CAPN9: variants seen among roughly 807,000 people sequenced by gnomAD.
The protein encoded by CAPN9 is calpain 9, also known as calpain-9.
CAPN9 carries 81 observed loss-of-function variants against 92.8 expected under a neutral mutation model. The ratio of observed to expected loss-of-function variants is 0.87; its 90% CI spans 0.73 to 1.05. The LOEUF (loss-of-function observed/expected upper bound fraction) is 1.05. CAPN9 is among the 50% of genes least tolerant of loss of function. CAPN9 has a pLI of 0.00. For missense variants in CAPN9, 848 were observed against 866.2 expected, an observed-to-expected ratio of 0.98 and a Z score of 0.26; for synonymous variants, 304 against 328.0, an observed-to-expected ratio of 0.93 and a Z score of 0.79.
At chr1:230,759,413 G>A (rs1165738527) in intron 2 of CAPN9, 99 bp from the exon 3 acceptor site, 2 of 779,766 alleles carry the variant, frequency 2.6e-6, no homozygotes, top group East Asian at 2.6e-5. Context: ...AAAAGATGTG[G>A]CCACATCTGA....
intron 2 of CAPN9, among the ~76,000 whole-genome samples, chr1:230,758,771 G>C (rs528673376): frequency 6.6e-6 from 1 of 152,144 alleles, no homozygotes; most frequent in Non-Finnish European, 1.5e-5. Context: ...AAGGTGATTC[G>C]GATAAATGGA....
intron 4 of CAPN9, among the ~76,000 whole-genome samples, chr1:230,765,279 GGC>G (rs1207275869): frequency 1.4e-5 from 2 of 142,772 alleles, no homozygotes; most frequent in African/African-American, 5.4e-5. Context: ...ATGCCAAAAG[GGC>G]ACAAGAGCAT....
At chr1:230,752,762 C>G (rs1392085066) in intron 1 of CAPN9, 5 of 925,504 alleles carry the variant, frequency 5.4e-6, no homozygotes, top group Non-Finnish European at 6.4e-6. Flanking sequence ...CCAGGGCTAT[C>G]CCCTGGCAGG....
chr1:230,751,541 GAAA>G (rs72171772), intron 1 of CAPN9, among the ~76,000 whole-genome samples: 1 of 135,908 alleles, frequency 7.4e-6, no homozygotes, highest in Non-Finnish European at 1.6e-5. Context: ...AAGAAAGATA[GAAA>G]AAAAGAAAGG....
Position 230,795,338 on chromosome 1 carries a change from T to A in CAPN9, c.1987+59T>A, listed in dbSNP as rs1668281399. ...GGGTGGCATCTTCAGTCACCCTCCA[T>A]GAGCGCATGAGAAACAGCCTGGTTA... On this transcript the variant is annotated intron_variant, in intron 18 of 19. Coordinates refer to ENST00000271971, the MANE Select transcript of CAPN9 (RefSeq NM_006615.3). 8 of 973,642 alleles carry A rather than the reference T, an allele frequency of 8.2e-6. No individual in the cohort carries two copies. In the South Asian group the frequency reaches 1.1e-4, roughly 13 times the overall value. 60.3% of individuals were successfully genotyped at this position (973,642 alleles called of 1,614,324 possible).
intron 9 of CAPN9, 58 bp from the exon 10 acceptor site, chr1:230,780,121 T>G (rs1667108130): frequency 1.0e-6 from 1 of 965,504 alleles, no homozygotes; most frequent in Non-Finnish European, 1.6e-6. Context: ...TGTGTGTGTG[T>G]GGTCTTTGTG....
At chr1:230,782,795 T>A (rs943504842) in intron 11 of CAPN9, among the ~76,000 whole-genome samples, 1 of 152,114 alleles carries the variant, frequency 6.6e-6, no homozygotes, top group Non-Finnish European at 1.5e-5. Flanking sequence ...GGCAGGAGGA[T>A]CACCTGAAGT....
At chr1:230,765,515 C>T (rs1665931312) in intron 4 of CAPN9, among the ~76,000 whole-genome samples, 1 of 151,952 alleles carries the variant, frequency 6.6e-6, no homozygotes, top group Admixed American at 6.6e-5. Flanking sequence ...ACAAATTAGC[C>T]AGGCATGGTG....
At chr1:230,769,085 A>G in intron 5 of CAPN9, 95 bp from the exon 6 acceptor site, 1 of 938,024 alleles carries the variant, frequency 1.1e-6, no homozygotes, top group Non-Finnish European at 1.7e-6. Context: ...AAGGGGCTGG[A>G]GGTTGTGACC....
intron 11 of CAPN9, among the ~76,000 whole-genome samples, chr1:230,784,647 G>A (rs1667453531): frequency 6.6e-6 from 1 of 152,262 alleles, no homozygotes; most frequent in South Asian, 2.1e-4. Context: ...ACTGAATGAG[G>A]CTTGGCAGCC....
chr1:230,791,760 C>A, intron 14 of CAPN9, 104 bp from the exon 15 acceptor site: 2 of 798,768 alleles, frequency 2.5e-6, no homozygotes, highest in Non-Finnish European at 2.2e-6. Flanking sequence ...ACATCACAGC[C>A]CCCAACAGCC....
intron 3 of CAPN9, among the ~76,000 whole-genome samples, chr1:230,761,097 T>C (rs1210660040): frequency 6.6e-6 from 1 of 151,744 alleles, no homozygotes; most frequent in East Asian, 1.9e-4. Context: ...AACTCAGGAG[T>C]TCTGGATCCA....
intron 1 of CAPN9, 147 bp downstream of exon 1, chr1:230,747,856 C>T (rs947531607): frequency 7.1e-5 from 53 of 748,194 alleles, no homozygotes; most frequent in Non-Finnish European, 1.1e-4. Flanking sequence ...GAAAGCTTTG[C>T]AGTTTGGAGG....
chr1:230,785,195 T>C (rs1163833654), intron 11 of CAPN9, among the ~76,000 whole-genome samples: 1 of 152,240 alleles, frequency 6.6e-6, no homozygotes, highest in African/African-American at 2.4e-5. Context: ...TTGATTTTGA[T>C]TTGACAGGCT....
chr1:230,753,061 C>CT (rs1381586561), intron 1 of CAPN9, among the ~76,000 whole-genome samples: 1 of 152,198 alleles, frequency 6.6e-6, no homozygotes, highest in Admixed American at 6.5e-5. Flanking sequence ...GAGCAGTGTG[C>CT]TTCCTACAGA....
chr1:230,785,912 C>T, intron 11 of CAPN9, 69 bp from the exon 12 acceptor site: 2 of 1,461,852 alleles, frequency 1.4e-6, no homozygotes. Flanking sequence ...GCTCTGGGCT[C>T]TTCAGCTCTG....
intron 3 of CAPN9, among the ~76,000 whole-genome samples, chr1:230,761,050 A>G (rs1371625587): frequency 1.2e-4 from 18 of 152,126 alleles, no homozygotes; most frequent in Admixed American, 1.2e-3. Context: ...TGGTTGATCC[A>G]GGGTCACAAA....
At chr1:230,755,528 G>T in intron 2 of CAPN9, 122 bp downstream of exon 2, 1 of 671,040 alleles carries the variant, frequency 1.5e-6, no homozygotes, top group South Asian at 2.1e-5. Context: ...ACACTGCTTC[G>T]GCCTCTGCTT....
chr1:230,749,745 G>A (rs937096260), intron 1 of CAPN9, among the ~76,000 whole-genome samples: 6 of 152,122 alleles, frequency 3.9e-5, no homozygotes, highest in Non-Finnish European at 8.8e-5. Context: ...TCCTCATGAG[G>A]GTCAGCTGCG....
Sources: allele counts gnomAD v4.1 joint callset (sites outside exome capture counted in the v4.1 genomes callset), GRCh38; gene constraint gnomAD v4.1.1; transcripts MANE v1.5; gene names NCBI Gene and HGNC (gene_info 2026-07-23, HGNC 2026-07-21).